UFD1: variants seen among roughly 807,000 people sequenced by gnomAD.
UFD1 encodes ubiquitin recognition factor in ER-associated degradation protein 1.
UFD1 carries 13 observed loss-of-function variants against 45.9 expected under a neutral mutation model. The ratio of observed to expected loss-of-function variants is 0.28; its 90% confidence interval spans 0.18 to 0.45. The LOEUF (loss-of-function observed/expected upper bound fraction) is 0.45. UFD1 is among the 20% of genes least tolerant of loss of function. The probability of loss-of-function intolerance (pLI) is 1.00; values close to 1 mark genes in which losing one functional copy is unlikely to be tolerated. For synonymous variants in UFD1, 128 were observed against 139.2 expected (o/e 0.92, Z 0.56); for missense variants, 218 against 389.2 (o/e 0.56, Z 3.70).
At chr22:19,454,560 C>T (rs1205959409) in intron 11 of UFD1, 189 bp downstream of exon 11, 1 of 1,282,410 alleles carries the variant, frequency 7.8e-7, no homozygotes, top group Non-Finnish European at 1.0e-6. Flanking sequence ...TGAGGCCTCC[C>T]CAGCCATGTG....
intron 10 of UFD1, 126 bp downstream of exon 10, chr22:19,455,554 G>A (rs778768858): frequency 1.2e-6 from 1 of 812,988 alleles, no homozygotes; most frequent in Non-Finnish European, 2.0e-6. Flanking sequence ...GAGCAGCTAA[G>A]GGTTTTAGTC....
chr22:19,454,523 G>T, intron 11 of UFD1: 1 of 964,854 alleles, frequency 1.0e-6, no homozygotes, highest in Non-Finnish European at 1.4e-6. Flanking sequence ...ATCCATGTAA[G>T]ATGTGACTTG....
At position 19,453,644 on chromosome 22, in the gene UFD1, C is replaced by T. The variant is rs187553092; in HGVS notation, c.849+1105G>A. The T allele has an allele frequency of 6.1e-6, 6 of 985,566 alleles. No individual in the cohort carries two copies. In the South Asian group the frequency reaches 1.9e-4, roughly 31 times the overall value. 61.1% of individuals were successfully genotyped at this position (985,566 alleles called of 1,614,324 possible). A position where few individuals can be genotyped will look rare whatever the true frequency, so the allele number is the denominator to read the frequency against. On this transcript the variant is annotated intron_variant, in intron 11 of 11. Transcript: ENST00000263202. ...GAGGTCTGACTGGCCACTATGTTTGCTCCTCTGAGCCTGAAAGGTCCCAAT... is the reference window on the plus strand; with the variant it reads ...GAGGTCTGACTGGCCACTATGTTTGTTCCTCTGAGCCTGAAAGGTCCCAAT...
At chr22:19,467,390 G>A (rs2089811049) in intron 5 of UFD1, 1 of 158,632 alleles carries the variant, frequency 6.3e-6, no homozygotes. Flanking sequence ...ACTAGAACCT[G>A]ATACCTTTGC....
intron 4 of UFD1, among the ~76,000 whole-genome samples, chr22:19,469,415 T>G (rs964801090): frequency 4.0e-5 from 6 of 151,310 alleles, no homozygotes; most frequent in Admixed American, 2.0e-4. Flanking sequence ...GGCAGAGAGG[T>G]CAGACTAGGG....
chr22:19,464,285 T>C (rs1455181979), intron 6 of UFD1, among the ~76,000 whole-genome samples: 1 of 152,212 alleles, frequency 6.6e-6, no homozygotes, highest in Non-Finnish European at 1.5e-5. Flanking sequence ...AGCTAAGTGC[T>C]AGCTTCAGGG....
intron 4 of UFD1, among the ~76,000 whole-genome samples, chr22:19,469,578 G>A (rs183890616): frequency 6.6e-5 from 10 of 152,306 alleles, no homozygotes; most frequent in East Asian, 1.9e-4. Context: ...TCCAGGGCTC[G>A]GATCTAGGTC....
rs530107921 is a variant in UFD1, at chr22:19,455,182, C to T, written c.768-352G>A. On this transcript the variant is annotated intron_variant, in intron 10 of 11. Transcript: ENST00000263202. The stretch of plus-strand genomic sequence containing the variant: ...TCACACACACAACAGACAACTGACA[C>T]ACCTCAGCCCTGCCCCTGCCATCAT... Among the ~76,000 whole-genome samples the T allele has an allele frequency of 2.2e-3, 337 of 152,250 alleles. 1 individual carries two copies. The highest frequency in any genetic ancestry group is 7.8e-3 in the African/African-American group (326 of 41,542).
At chr22:19,478,622 G>A (rs1369430616) in intron 1 of UFD1, 3 of 224,996 alleles carry the variant, frequency 1.3e-5, no homozygotes, top group Non-Finnish European at 2.6e-5. Flanking sequence ...GTACAGATTC[G>A]AAGGCACGAA....
At chr22:19,454,931 C>T (rs1287965314) in intron 10 of UFD1, 101 bp from the exon 11 acceptor site, 135 of 1,351,406 alleles carry the variant, frequency 1.0e-4, no homozygotes, top group Non-Finnish European at 1.3e-4. Flanking sequence ...TGCTGCTGCA[C>T]CCCACCTGGG....
chr22:19,453,842 A>C (rs567389150), intron 11 of UFD1: 1 of 985,500 alleles, frequency 1.0e-6, no homozygotes, highest in Non-Finnish European at 1.2e-6. Context: ...GGCTCAGTAC[A>C]TCTGCCCTCT....
intron 6 of UFD1, among the ~76,000 whole-genome samples, chr22:19,458,695 G>A (rs1233968209): frequency 1.3e-5 from 2 of 151,782 alleles, no homozygotes; most frequent in Non-Finnish European, 2.9e-5. Context: ...CGCCCACCTC[G>A]GCCACACAAA....
rs2089927673 is a variant in UFD1, at chr22:19,479,164, G to A, written c.-79C>T. The A allele has an allele frequency of 1.9e-6, 3 of 1,569,460 alleles. No homozygotes were observed. The highest frequency in any genetic ancestry group is 1.9e-5 in the Admixed American group (1 of 52,424). ...CCCGCCGACCGCTCTCCCAGCCGCC[G>A]CTGCCGCTGCCGCCGCGCCAAGCCG... On this transcript the variant is annotated 5_prime_UTR_variant, in exon 1 of 12. Transcript: ENST00000263202.
chr22:19,451,557 C>T (rs989576597), intron 11 of UFD1: 16 of 985,194 alleles, frequency 1.6e-5, no homozygotes, highest in Non-Finnish European at 1.9e-5. Flanking sequence ...GCTTTTATTG[C>T]TAGTCAGTCT....
At position 19,478,290 on chromosome 22, in the gene UFD1, C is replaced by T. The variant is rs1030493652; in HGVS notation, c.3+793G>A. Among the ~76,000 whole-genome samples the T allele has an allele frequency of 2.6e-5, 4 of 152,156 alleles. No homozygotes were observed. The East Asian group carries it at 7.7e-4, about 29-fold the overall frequency. On this transcript the variant is annotated intron_variant, in intron 1 of 11. Coordinates refer to ENST00000263202, the MANE Select transcript of UFD1 (RefSeq NM_005659.7). The stretch of plus-strand genomic sequence containing the variant: ...AATAAGCCAGGGTTTGACAGTGACA[C>T]ACTTGGGATAAAATCTAACAATCAT...
intron 2 of UFD1, 22 bp from the exon 3 acceptor site, chr22:19,475,122 A>C (rs1327354136): frequency 6.3e-7 from 1 of 1,598,232 alleles, no homozygotes; most frequent in Non-Finnish European, 8.5e-7. Flanking sequence ...ACATTTAAGA[A>C]ATATTAAAAA....
At chr22:19,451,120 C>CAAAAA (rs34076964) in intron 11 of UFD1, 7 of 864,316 alleles carry the variant, frequency 8.1e-6, no homozygotes, top group East Asian at 1.6e-4. Flanking sequence ...GACCCTGCCT[C>CAAAAA]AAAAAAAAAA....
intron 1 of UFD1, among the ~76,000 whole-genome samples, chr22:19,477,226 A>G (rs1361389697): frequency 6.6e-6 from 1 of 152,182 alleles, no homozygotes; most frequent in African/African-American, 2.4e-5. Context: ...AATCAAGAAG[A>G]GATTTTTGTA....
chr22:19,462,051 G>A (rs533727592), intron 6 of UFD1, among the ~76,000 whole-genome samples: 30 of 152,262 alleles, frequency 2.0e-4, no homozygotes, highest in Middle Eastern at 6.8e-3. Context: ...CTAGGCTAGA[G>A]TGCAGTGGCA....
Sources: gnomAD v4.1 joint callset for allele counts (sites outside exome capture counted in the v4.1 genomes callset) on GRCh38, gnomAD v4.1.1 for gene constraint, MANE v1.5 for transcripts, NCBI Gene and HGNC (gene_info 2026-07-23, HGNC 2026-07-21) for gene names.